Variants in NAALADL2 observed in about 807,000 individuals in gnomAD.
NAALADL2 encodes the protein N-acetylated alpha-linked acidic dipeptidase like 2.
In NAALADL2, 76 loss-of-function variants were observed where a neutral mutation model predicts 87.2. The observed-to-expected ratio is 0.87, with a 90% CI of 0.72 to 1.05. The LOEUF (loss-of-function observed/expected upper bound fraction) is 1.05, where lower values mean the gene tolerates loss of function less well. Ranked by LOEUF, NAALADL2 falls within the 50% of genes least tolerant of loss-of-function variation. The pLI, the probability that NAALADL2 is intolerant of heterozygous loss-of-function variation, is 0.00. For synonymous variants in NAALADL2, 354 were observed against 331.0 expected (o/e 1.07, Z -0.75); for missense variants, 1,089 against 945.8 (o/e 1.15, Z -1.99).
chr3:174,774,874 C>T (rs1261996382), intron 3 of NAALADL2, among the ~76,000 whole-genome samples: 6 of 152,108 alleles, frequency 3.9e-5, no homozygotes, highest in African/African-American at 1.2e-4. Flanking sequence ...AGGTTAAAAC[C>T]TTATGATTAC....
chr3:174,966,296 C>T lies in NAALADL2; in HGVS notation c.43+106846C>T, dbSNP rs114290889. Among the ~76,000 whole-genome samples the T allele has an allele frequency of 6.6e-3, 1,006 of 152,270 alleles. 4 individuals are homozygous for T. Among genetic ancestry groups the T allele is most frequent in the Middle Eastern group, 0.014 (4 of 294 alleles). ...TCATAATATGGCCATAGGCTACATC[C>T]CCAATGATGGCAAACCACAAAATAT... On this transcript the variant is annotated intron_variant, in intron 1 of 13. Coordinates refer to ENST00000454872, the MANE Select transcript of NAALADL2 (RefSeq NM_207015.3).
At chr3:175,024,671 G>T (rs1299044939) in intron 1 of NAALADL2, among the ~76,000 whole-genome samples, 1 of 152,000 alleles carries the variant, frequency 6.6e-6, no homozygotes, top group East Asian at 1.9e-4. Context: ...GTCTTCAATA[G>T]TATAGGAGAA....
intron 5 of NAALADL2, among the ~76,000 whole-genome samples, chr3:175,346,595 C>A (rs1763182464): frequency 6.8e-6 from 1 of 147,092 alleles, no homozygotes; most frequent in South Asian, 2.1e-4. Flanking sequence ...ATTATATACA[C>A]AGGCAGTTAA....
chr3:175,053,491 C>T (rs1755682154), intron 1 of NAALADL2, among the ~76,000 whole-genome samples: 1 of 152,148 alleles, frequency 6.6e-6, no homozygotes, highest in Non-Finnish European at 1.5e-5. Context: ...CCAGGGGGTC[C>T]TCGAGATCCT....
chr3:175,600,890 A>T (rs1295334128), intron 10 of NAALADL2, among the ~76,000 whole-genome samples: 1 of 152,122 alleles, frequency 6.6e-6, no homozygotes, highest in Non-Finnish European at 1.5e-5. Context: ...GTGGCATTGA[A>T]TTATATTCTG....
intron 2 of NAALADL2, among the ~76,000 whole-genome samples, chr3:174,552,879 A>G (rs1038681275): frequency 2.7e-5 from 4 of 150,182 alleles, no homozygotes; most frequent in Admixed American, 1.3e-4. Context: ...ACAGTGATTT[A>G]TAGTTTCCTG....
intron 1 of NAALADL2, among the ~76,000 whole-genome samples, chr3:174,991,786 T>C (rs1340884844): frequency 6.6e-6 from 1 of 152,110 alleles, no homozygotes; most frequent in African/African-American, 2.4e-5. Flanking sequence ...TTGAAAACAT[T>C]AACATTCAGT....
chr3:175,426,236 G>A (rs1365557509), intron 5 of NAALADL2, among the ~76,000 whole-genome samples: 1 of 152,106 alleles, frequency 6.6e-6, no homozygotes, highest in Non-Finnish European at 1.5e-5. Context: ...GGTGGCAGGT[G>A]CCTCTAATCC....
intron 1 of NAALADL2, among the ~76,000 whole-genome samples, chr3:175,070,631 T>C (rs9862679): frequency 0.23 from 34,645 of 151,940 alleles, 5,850 homozygotes; most frequent in African/African-American, 0.47. Flanking sequence ...TGCTATGGTA[T>C]AGGGAATCCC....
chr3:175,547,883 T>C (rs1004135926), intron 9 of NAALADL2, among the ~76,000 whole-genome samples: 2 of 152,068 alleles, frequency 1.3e-5, no homozygotes, highest in Admixed American at 6.6e-5. Context: ...ATGGCTATTA[T>C]TAAAAAGTCA....
At chr3:175,069,643 C>T (rs956911743) in intron 1 of NAALADL2, among the ~76,000 whole-genome samples, 1 of 151,304 alleles carries the variant, frequency 6.6e-6, no homozygotes, top group Non-Finnish European at 1.5e-5. Context: ...ACCATTTGAC[C>T]CAGCCATCCC....
At chr3:175,518,429 G>T (rs1732180617) in intron 9 of NAALADL2, among the ~76,000 whole-genome samples, 1 of 152,182 alleles carries the variant, frequency 6.6e-6, no homozygotes, top group Admixed American at 6.5e-5. Context: ...ATGTCATTCA[G>T]TGTGGCCACA....
intron 3 of NAALADL2, among the ~76,000 whole-genome samples, chr3:174,802,493 A>C (rs1432457508): frequency 1.3e-5 from 2 of 152,114 alleles, no homozygotes; most frequent in Non-Finnish European, 2.9e-5. Flanking sequence ...GAAATATTTT[A>C]TTATTATACT....
chr3:175,211,672 T>C (rs1187255342), intron 2 of NAALADL2, among the ~76,000 whole-genome samples: 1 of 151,944 alleles, frequency 6.6e-6, no homozygotes, highest in Admixed American at 6.6e-5. Context: ...TCCCTCATGC[T>C]TTCTGGTGCC....
At chr3:175,769,711 T>C (rs537535407) in intron 13 of NAALADL2, among the ~76,000 whole-genome samples, 2 of 137,632 alleles carry the variant, frequency 1.5e-5, no homozygotes, top group African/African-American at 6.5e-5. Context: ...GGAGATGGCA[T>C]GTATATGTGT....
At chr3:174,597,446 C>G (rs984273989) in intron 2 of NAALADL2, among the ~76,000 whole-genome samples, 2 of 152,174 alleles carry the variant, frequency 1.3e-5, no homozygotes, top group Non-Finnish European at 2.9e-5. Context: ...GCTTGGAACT[C>G]TCCTGAAATC....
intron 10 of NAALADL2, among the ~76,000 whole-genome samples, chr3:175,593,373 A>G (rs112506362): frequency 0.023 from 3,493 of 152,272 alleles, 131 homozygotes; most frequent in African/African-American, 0.078. Flanking sequence ...TAATTAAGCT[A>G]GAGGTTTTGT....
At chr3:175,151,634 C>A (rs1202498623) in intron 2 of NAALADL2, among the ~76,000 whole-genome samples, 3 of 151,936 alleles carry the variant, frequency 2.0e-5, no homozygotes, top group Non-Finnish European at 4.4e-5. Flanking sequence ...AACAAACAAA[C>A]AAACAACAAC....
At chr3:175,280,225 T>C (rs1188170802) in intron 4 of NAALADL2, among the ~76,000 whole-genome samples, 1 of 151,996 alleles carries the variant, frequency 6.6e-6, no homozygotes, top group African/African-American at 2.4e-5. Flanking sequence ...CAATTTTATA[T>C]CGATTTCCTT....
Sources: allele counts gnomAD v4.1 joint callset (sites outside exome capture counted in the v4.1 genomes callset), GRCh38; gene constraint gnomAD v4.1.1; transcripts MANE v1.5; gene names NCBI Gene and HGNC (gene_info 2026-07-23, HGNC 2026-07-21).